The following OXR1 variants were observed in gnomAD, a reference collection of about 807,000 sequenced individuals.
OXR1 encodes oxidation resistance protein 1.
Under a neutral mutation model 104.6 loss-of-function variants are expected in OXR1, and 41 were observed. That is an observed-to-expected ratio of 0.39 (90% CI 0.31 to 0.51). OXR1 has a LOEUF of 0.51. OXR1 is among the 20% of genes least tolerant of loss of function. OXR1 has a pLI of 0.77. For synonymous variants in OXR1, 348 were observed against 348.4 expected, an observed-to-expected ratio of 1.00 and a Z score of 0.01; for missense variants, 955 against 1,031.9, an observed-to-expected ratio of 0.93 and a Z score of 1.02.
At chr8:106,487,496 A>G (rs1205682214) in intron 2 of OXR1, among the ~76,000 whole-genome samples, 2 of 151,886 alleles carry the variant, frequency 1.3e-5, no homozygotes, top group African/African-American at 4.8e-5. Context: ...ATATGTATAC[A>G]TGTGCCATGC....
intron 2 of OXR1, among the ~76,000 whole-genome samples, chr8:106,518,282 T>C (rs1812999864): frequency 6.6e-6 from 1 of 152,230 alleles, no homozygotes. Context: ...ATTACATTAG[T>C]TGTGTAGCTT....
rs149802419 is a variant in OXR1 at position 106,706,573 on chromosome 8, T to G, written c.1052T>G (p.Leu351Arg). 185 of 1,611,916 alleles carry G rather than the reference T, an allele frequency of 1.1e-4. No individual in the cohort carries two copies. Among genetic ancestry groups the G allele is most frequent in the Non-Finnish European group, 1.4e-4 (171 of 1,179,502 alleles). Residue 351 changes from leucine to arginine, a missense_variant, in exon 9 of 17, where the codon CTT becomes CGT. Leu to Arg is a moderately radical substitution (Grantham distance 102). Transcript: ENST00000517566. The stretch of plus-strand genomic sequence containing the variant: ...GAACTTTCCCCTATACGAGAGGAGC[T>G]TGTATCTTCAGATGAACTGCGACAA... ...ESELSPIREE[L>R]VSSDELRQDK...
chr8:106,348,948 G>A (rs1815610042), intron 1 of OXR1, among the ~76,000 whole-genome samples: 1 of 152,190 alleles, frequency 6.6e-6, no homozygotes, highest in Non-Finnish European at 1.5e-5. Context: ...ATTTGCATAT[G>A]TAAGTGCTTT....
Position 106,369,303 on chromosome 8 carries a change from T to A in OXR1, c.23+9667T>A, listed in dbSNP as rs189773370. Among the ~76,000 whole-genome samples, 724 of 152,348 alleles carry A rather than the reference T, an allele frequency of 4.8e-3. 8 individuals carry two copies. The highest frequency in any genetic ancestry group is 0.017 in the African/African-American group (705 of 41,580). On this transcript the variant is annotated intron_variant, in intron 2 of 16. Coordinates refer to ENST00000517566, the MANE Select transcript of OXR1 (RefSeq NM_001198533.2). ...TTGTAAATTCTGAATATTAGACCTT[T>A]GTCAGATGGGTAGATTGCAAAAATT...
intron 3 of OXR1, among the ~76,000 whole-genome samples, chr8:106,656,724 A>G (rs1825121356): frequency 6.6e-6 from 1 of 152,024 alleles, no homozygotes; most frequent in South Asian, 2.1e-4. Flanking sequence ...CACCAGGCAT[A>G]ATGGTGATGG....
At chr8:106,406,754 A>G (rs1440191302) in intron 2 of OXR1, among the ~76,000 whole-genome samples, 1 of 152,174 alleles carries the variant, frequency 6.6e-6, no homozygotes, top group Non-Finnish European at 1.5e-5. Context: ...ACTACTCTGA[A>G]TGATACTATA....
At chr8:106,329,711 C>T (rs1814631807) in intron 1 of OXR1, among the ~76,000 whole-genome samples, 1 of 152,136 alleles carries the variant, frequency 6.6e-6, no homozygotes, top group Non-Finnish European at 1.5e-5. Flanking sequence ...TGATACATGC[C>T]TAGGCTCTGG....
At chr8:106,671,333 T>C (rs1381347714) in intron 3 of OXR1, among the ~76,000 whole-genome samples, 3 of 152,052 alleles carry the variant, frequency 2.0e-5, no homozygotes, top group Admixed American at 6.5e-5. Context: ...AGAGATACAA[T>C]AATAATCATA....
chr8:106,461,453 C>A (rs190002253), intron 2 of OXR1, among the ~76,000 whole-genome samples: 4 of 151,988 alleles, frequency 2.6e-5, no homozygotes, highest in African/African-American at 9.7e-5. Flanking sequence ...TACCTGTAAT[C>A]CCAGCTACTC....
chr8:106,704,478 A>G (rs1298820039), intron 8 of OXR1, among the ~76,000 whole-genome samples: 2 of 136,922 alleles, frequency 1.5e-5, no homozygotes, highest in South Asian at 2.3e-4. Flanking sequence ...ACGATCTGCA[A>G]CATCCACCTC....
intron 11 of OXR1, among the ~76,000 whole-genome samples, chr8:106,719,340 A>C (rs926467691): frequency 2.6e-5 from 4 of 152,230 alleles, no homozygotes; most frequent in African/African-American, 9.6e-5. Context: ...TTGTTCAATA[A>C]ATATACAAAA....
intron 2 of OXR1, among the ~76,000 whole-genome samples, chr8:106,409,288 G>C (rs1818367875): frequency 6.6e-6 from 1 of 152,086 alleles, no homozygotes. Flanking sequence ...GGATGGAGAG[G>C]AGGCGAACTT....
At chr8:106,403,219 A>T (rs1818075069) in intron 2 of OXR1, among the ~76,000 whole-genome samples, 1 of 152,342 alleles carries the variant, frequency 6.6e-6, no homozygotes, top group Non-Finnish European at 1.5e-5. Context: ...AGAATTTAGT[A>T]GGCTTCCTAT....
intron 3 of OXR1, among the ~76,000 whole-genome samples, chr8:106,561,945 T>C (rs1188543457): frequency 2.6e-5 from 4 of 151,858 alleles, no homozygotes. Context: ...AAAAAGGACA[T>C]CCACACAAAA....
At chr8:106,548,324 C>T (rs1586792870) in intron 3 of OXR1, among the ~76,000 whole-genome samples, 2 of 152,264 alleles carry the variant, frequency 1.3e-5, no homozygotes, top group Non-Finnish European at 2.9e-5. Context: ...TCTTTCCTGA[C>T]CCCTGGTCCA....
intron 7 of OXR1, among the ~76,000 whole-genome samples, chr8:106,695,354 G>C (rs1018749342): frequency 2.7e-5 from 4 of 150,328 alleles, no homozygotes; most frequent in Non-Finnish European, 4.4e-5. Context: ...GTGTTTATTT[G>C]CCTTGAAAAA....
rs972221958 is a variant in OXR1, at chr8:106,689,924, G to A, written c.526-2804G>A. On this transcript the variant is annotated intron_variant, in intron 6 of 16. Coordinates refer to ENST00000517566, the MANE Select transcript of OXR1 (RefSeq NM_001198533.2). ...AAGTAGTTTGAAAAGGTTAAATATC[G>A]CCTGTGCTTCAGGAATTGCTTTCAC... 5.9e-5 allele frequency among the ~76,000 whole-genome samples: 9 copies of A among 151,716 alleles called. No homozygotes were observed. The South Asian group carries it at 8.3e-4, about 14-fold the overall frequency.
intron 3 of OXR1, among the ~76,000 whole-genome samples, chr8:106,669,655 AAT>A (rs2131145443): frequency 6.6e-6 from 1 of 152,174 alleles, no homozygotes; most frequent in Admixed American, 6.5e-5. Flanking sequence ...CAATGTTTTA[AAT>A]AGTCAAACTT....
At chr8:106,750,064 A>G (rs1036526952) in intron 16 of OXR1, among the ~76,000 whole-genome samples, 1 of 151,748 alleles carries the variant, frequency 6.6e-6, no homozygotes, top group Non-Finnish European at 1.5e-5. Flanking sequence ...GAATCCCCAA[A>G]TTTTATTTTA....
Sources: allele counts gnomAD v4.1 joint callset (sites outside exome capture counted in the v4.1 genomes callset), GRCh38; gene constraint gnomAD v4.1.1; transcripts MANE v1.5; gene names NCBI Gene and HGNC (gene_info 2026-07-23, HGNC 2026-07-21).